The following COL15A1 variants were observed in gnomAD, a reference collection of about 807,000 sequenced individuals.
The protein encoded by COL15A1 is collagen type XV alpha 1 chain, also known as collagen alpha-1(XV) chain.
COL15A1 carries 111 observed loss-of-function variants against 165.9 expected under a neutral mutation model. The observed-to-expected ratio is 0.67, with a 90% CI of 0.57 to 0.78. The LOEUF is 0.78. COL15A1 is among the 30% of genes least tolerant of loss of function. COL15A1 has a pLI of 0.00. For missense variants in COL15A1, 1,745 were observed against 1,789.7 expected, an observed-to-expected ratio of 0.98 and a Z score of 0.45; for synonymous variants, 659 against 674.8, an observed-to-expected ratio of 0.98 and a Z score of 0.36.
chr9:99,022,752 G>C (rs1482658152), intron 13 of COL15A1, among the ~76,000 whole-genome samples: 2 of 152,218 alleles, frequency 1.3e-5, no homozygotes, highest in Non-Finnish European at 2.9e-5. Context: ...AATGAATTAG[G>C]CCCTGCCTGG....
At chr9:98,953,225 C>G (rs758288214) in intron 2 of COL15A1, among the ~76,000 whole-genome samples, 1 of 152,114 alleles carries the variant, frequency 6.6e-6, no homozygotes, top group Non-Finnish European at 1.5e-5. Flanking sequence ...CAACAAAGTG[C>G]CCAGGGGAGC....
rs117126652 is a variant in COL15A1, at chr9:98,992,660, G to A, written c.804+3402G>A. ...GGCCGCCAGCACGTTGTCAATTCTC[G>A]CTATTGTATGCATGATTTCACTTTT... is the stretch of plus-strand genomic sequence containing the variant. On this transcript the variant is annotated intron_variant, in intron 5 of 41. Coordinates refer to ENST00000375001, the MANE Select transcript of COL15A1 (RefSeq NM_001855.5). Among the ~76,000 whole-genome samples, 185 of 152,374 alleles carry A rather than the reference G, an allele frequency of 1.2e-3. 1 individual carries two copies. Among genetic ancestry groups the A allele is most frequent in the South Asian group, 1.9e-3 (9 of 4,834 alleles).
In COL15A1 at chr9:98,944,228, C is replaced by G; in HGVS notation, c.78C>G (p.Val26=). The G allele has an allele frequency of 6.2e-7, 1 of 1,614,028 alleles. No homozygotes were observed. Among genetic ancestry groups the G allele is most frequent in the African/African-American group, 1.3e-5 (1 of 75,054 alleles). Residue 26 remains valine (V), a synonymous_variant, in exon 2 of 42, where the codon GTC becomes GTG. Transcript: ENST00000375001. The part of the protein sequence containing the change: ...LLSVSTPLPA[V]TQTRGATETA... The stretch of plus-strand genomic sequence containing the variant: ...CGGTCTCCACGCCCCTCCCTGCTGT[C>G]ACCCAGACCCGCGGTGCGACAGGTA...
At chr9:98,963,363 G>A (rs751928973) in intron 2 of COL15A1, among the ~76,000 whole-genome samples, 1 of 152,176 alleles carries the variant, frequency 6.6e-6, no homozygotes, top group African/African-American at 2.4e-5. Context: ...AACTATTCCA[G>A]CTCCCCCAAA....
chr9:99,047,800 A>G lies in COL15A1; in HGVS notation c.2694A>G (p.Pro898=), dbSNP rs1839517563. The change falls in exon 27 of 42, where the codon CCA becomes CCG. Residue 898 remains proline (P), a synonymous_variant. Transcript: ENST00000375001. ...GAPGPMGPKG[P]PGHKGEFGLP... ...TTTGCCTCTAGGGGCCCAAAGGACC[A>G]CCAGGACATAAAGGAGAATTTGGCC... 1 of 1,613,986 alleles carries G rather than the reference A, an allele frequency of 6.2e-7. No individual in the cohort carries two copies. Among genetic ancestry groups the G allele is most frequent in the Admixed American group, 1.7e-5 (1 of 60,006 alleles).
chr9:98,960,799 C>T (rs935904766), intron 2 of COL15A1, among the ~76,000 whole-genome samples: 2 of 152,206 alleles, frequency 1.3e-5, no homozygotes, highest in Admixed American at 6.5e-5. Context: ...TGGCCAGTAA[C>T]AAGGTTCCAT....
At chr9:99,005,700 T>C (rs989992722) in intron 9 of COL15A1, among the ~76,000 whole-genome samples, 2 of 152,202 alleles carry the variant, frequency 1.3e-5, no homozygotes, top group African/African-American at 4.8e-5. Flanking sequence ...GCATCAAGTC[T>C]TGTTGATTTT....
chr9:98,950,019 T>G (rs1041869001), intron 2 of COL15A1, among the ~76,000 whole-genome samples: 1 of 152,256 alleles, frequency 6.6e-6, no homozygotes, highest in Non-Finnish European at 1.5e-5. Context: ...GTGTCAGTAC[T>G]TCATGCCTTT....
chr9:99,037,863 T>C (rs1472208387), intron 21 of COL15A1, among the ~76,000 whole-genome samples: 1 of 151,908 alleles, frequency 6.6e-6, no homozygotes, highest in African/African-American at 2.4e-5. Context: ...AAGCAGAGGG[T>C]AGGACAATGT....
intron 15 of COL15A1, 96 bp downstream of exon 15, chr9:99,025,095 G>A (rs187544383): frequency 4.0e-6 from 4 of 1,012,440 alleles, no homozygotes; most frequent in African/African-American, 3.3e-5. Flanking sequence ...ACTGTCCAAG[G>A]TTCGCGATGG....
At chr9:99,017,675 C>G (rs945560378) in intron 11 of COL15A1, among the ~76,000 whole-genome samples, 3 of 152,156 alleles carry the variant, frequency 2.0e-5, no homozygotes, top group Middle Eastern at 6.8e-3. Context: ...TGGATTGACC[C>G]GCTCATGCAC....
At chr9:98,976,042 T>C (rs571270778) in intron 2 of COL15A1, among the ~76,000 whole-genome samples, 21 of 152,164 alleles carry the variant, frequency 1.4e-4, no homozygotes, top group Non-Finnish European at 2.6e-4. Flanking sequence ...TGGGGAGCCA[T>C]TGAAGGCTTT....
At chr9:99,056,481 T>A (rs887090728) in intron 35 of COL15A1, 77 bp downstream of exon 35, 21 of 1,506,034 alleles carry the variant, frequency 1.4e-5, no homozygotes, top group Non-Finnish European at 1.7e-5. Flanking sequence ...GGGTGGCTTG[T>A]CACAGCTGCA....
chr9:99,067,070 A>G lies in COL15A1; in HGVS notation c.3837+3A>G. 2 of 1,611,292 alleles carry G rather than the reference A, an allele frequency of 1.2e-6. No individual in the cohort carries two copies. The highest frequency in any genetic ancestry group is 2.2e-5 in the South Asian group (2 of 90,674). ...GCCTTCCCATAGTGAACCTCAAGGT[A>G]AAAATAAATATGGTTCCCATTGCCT... On this transcript the variant is annotated splice_donor_region_variant and intron_variant, in intron 40 of 41. Transcript: ENST00000375001.
intron 23 of COL15A1, 114 bp from the exon 24 acceptor site, chr9:99,041,931 C>G (rs1839412044): frequency 3.0e-6 from 2 of 666,300 alleles, no homozygotes; most frequent in Non-Finnish European, 5.2e-6. Flanking sequence ...ATGACTTCCA[C>G]CTACCTGGGG....
chr9:98,946,940 T>G (rs1281650907), intron 2 of COL15A1, among the ~76,000 whole-genome samples: 1 of 152,248 alleles, frequency 6.6e-6, no homozygotes, highest in East Asian at 1.9e-4. Context: ...AAAGCATGTT[T>G]GTAAGTGGGC....
chr9:99,043,053 A>G (rs1001966961), intron 24 of COL15A1, among the ~76,000 whole-genome samples: 1 of 152,146 alleles, frequency 6.6e-6, no homozygotes, highest in African/African-American at 2.4e-5. Context: ...GCTCTGTGCA[A>G]AGCCAGTGGG....
At chr9:98,944,316 G>A in intron 2 of COL15A1, 66 bp downstream of exon 2, 5 of 1,460,212 alleles carry the variant, frequency 3.4e-6, no homozygotes, top group Non-Finnish European at 4.7e-6. Flanking sequence ...CGGTTTTGGC[G>A]GCGGACGCGG....
chr9:98,950,310 A>G (rs959046936), intron 2 of COL15A1, among the ~76,000 whole-genome samples: 2 of 152,218 alleles, frequency 1.3e-5, no homozygotes, highest in Admixed American at 6.5e-5. Flanking sequence ...CCAGCAATGT[A>G]TGAGGGCTTT....
Sources: allele counts gnomAD v4.1 joint callset (sites outside exome capture counted in the v4.1 genomes callset), GRCh38; gene constraint gnomAD v4.1.1; transcripts MANE v1.5; gene names NCBI Gene and HGNC (gene_info 2026-07-23, HGNC 2026-07-21).